Variants in CKAP5 observed in about 807,000 individuals in gnomAD.
The protein encoded by CKAP5 is cytoskeleton associated protein 5.
A neutral mutation model predicts 232.8 loss-of-function variants in CKAP5; 27 were observed. The ratio of observed to expected loss-of-function variants is 0.12; its 90% CI spans 0.09 to 0.16. The LOEUF (loss-of-function observed/expected upper bound fraction) is 0.16, where lower values mean the gene tolerates loss of function less well. CKAP5 is among the 10% of genes least tolerant of loss of function. The pLI is 1.00. For missense variants in CKAP5, 1,838 were observed against 2,424.7 expected (o/e 0.76, Z 5.08); for synonymous variants, 785 against 841.1 (o/e 0.93, Z 1.16).
At chr11:46,821,929 C>G (rs982974231) in intron 1 of CKAP5, among the ~76,000 whole-genome samples, 1 of 151,986 alleles carries the variant, frequency 6.6e-6, no homozygotes, top group African/African-American at 2.4e-5. Context: ...GTCCCATCTA[C>G]TCGGAAGTCT....
chr11:46,816,232 C>A lies in CKAP5; in HGVS notation c.424G>T (p.Val142Leu). Reference sequence around the variant, plus strand: ...TTCCTCAGTGTCTCTATACAGGCCACTATGATCTTGGGATTCTTATTGTCC... The same window carrying A: ...TTCCTCAGTGTCTCTATACAGGCCAATATGATCTTGGGATTCTTATTGTCC... The part of the protein sequence containing the change: ...GLDNKNPKII[V>L]ACIETLRKAL... Residue 142 changes from valine (V) to leucine (L), a missense_variant, in exon 4 of 44, where the codon GTG (valine) becomes TTG (leucine). Transcript: ENST00000529230. The A allele has an allele frequency of 6.2e-7, 1 of 1,614,156 alleles. No individual in the cohort carries two copies.
intron 1 of CKAP5, among the ~76,000 whole-genome samples, chr11:46,845,655 C>G (rs934211026): frequency 1.3e-5 from 2 of 152,168 alleles, no homozygotes; most frequent in Non-Finnish European, 2.9e-5. Flanking sequence ...GCTCCCGACA[C>G]GTTGAGAGAG....
chr11:46,796,657 ATT>A (rs1157833953), intron 12 of CKAP5, among the ~76,000 whole-genome samples, 153 bp downstream of exon 12: 63 of 152,342 alleles, frequency 4.1e-4, no homozygotes, highest in African/African-American at 1.4e-3. Flanking sequence ...ACTTGTTTCA[ATT>A]ATGCATTTCT....
chr11:46,748,123 C>A (rs1013835619), intron 42 of CKAP5, among the ~76,000 whole-genome samples: 3 of 151,996 alleles, frequency 2.0e-5, no homozygotes, highest in African/African-American at 7.2e-5. Flanking sequence ...GGGGCACTGG[C>A]GGGTCCTATA....
chr11:46,782,204 T>C (rs965425879), intron 18 of CKAP5, among the ~76,000 whole-genome samples: 1 of 152,186 alleles, frequency 6.6e-6, no homozygotes, highest in Admixed American at 6.6e-5. Context: ...TTTACTCAAA[T>C]GTAACTCCCA....
intron 1 of CKAP5, 109 bp downstream of exon 1, chr11:46,846,111 G>A (rs887022188): frequency 3.3e-5 from 5 of 151,868 alleles, no homozygotes; most frequent in African/African-American, 9.7e-5. Context: ...GGGGCAAGTG[G>A]GGCGCGCGTC....
intron 1 of CKAP5, among the ~76,000 whole-genome samples, chr11:46,830,086 G>A (rs1939745426): frequency 6.6e-6 from 1 of 152,040 alleles, no homozygotes. Context: ...ATCATTATGG[G>A]CAAGACGGAG....
At chr11:46,822,227 G>A (rs1386592635) in intron 1 of CKAP5, among the ~76,000 whole-genome samples, 1 of 152,058 alleles carries the variant, frequency 6.6e-6, no homozygotes, top group Non-Finnish European at 1.5e-5. Context: ...GTTGCAGTGA[G>A]CTGTGATCAT....
At chr11:46,794,605 A>T (rs1430460273) in intron 13 of CKAP5, among the ~76,000 whole-genome samples, 2 of 152,220 alleles carry the variant, frequency 1.3e-5, no homozygotes, top group African/African-American at 4.8e-5. Flanking sequence ...TGGGAGGCCA[A>T]GGCAGGAGGA....
intron 1 of CKAP5, among the ~76,000 whole-genome samples, chr11:46,843,303 C>T (rs1839242560): frequency 6.6e-6 from 1 of 152,058 alleles, no homozygotes; most frequent in Non-Finnish European, 1.5e-5. Flanking sequence ...GCTGGGGACC[C>T]CAAGCCTTCT....
intron 13 of CKAP5, among the ~76,000 whole-genome samples, chr11:46,792,279 A>AT (rs1938748237): frequency 1.3e-5 from 2 of 152,178 alleles, no homozygotes; most frequent in South Asian, 4.1e-4. Flanking sequence ...GAGGCTGGGC[A>AT]TGGTGGCTCA....
At position 46,809,921 on chromosome 11, in the gene CKAP5, T is replaced by C. The variant is rs1490981171; in HGVS notation, c.631-47A>G. On this transcript the variant is annotated intron_variant, in intron 5 of 43. Transcript: ENST00000529230. ...TAAATAATATCTGCATCTCCACCATTAGTTAACATACTTAATACTTACATT... is the reference window on the plus strand; with the variant it reads ...TAAATAATATCTGCATCTCCACCATCAGTTAACATACTTAATACTTACATT... 2.6e-6 allele frequency: 4 copies of C among 1,534,726 alleles called. No homozygotes were observed. In the East Asian group the frequency reaches 9.0e-5, roughly 35 times the overall value.
intron 1 of CKAP5, among the ~76,000 whole-genome samples, chr11:46,842,896 G>C (rs1940090371): frequency 6.6e-6 from 1 of 150,776 alleles, no homozygotes; most frequent in Admixed American, 6.6e-5. Context: ...GAACCTGGGA[G>C]GCGGAGCTTG....
intron 8 of CKAP5, chr11:46,802,195 A>T (rs1939045041): frequency 6.6e-6 from 1 of 152,058 alleles, no homozygotes; most frequent in African/African-American, 2.4e-5. Flanking sequence ...GTCTCAGTCG[A>T]TTCTCCTCTA....
At position 46,750,297 on chromosome 11, in the gene CKAP5, T is replaced by C. The variant is rs571852180; in HGVS notation, c.5681A>G (p.Lys1894Arg). Residue 1894 changes from lysine to arginine, a missense_variant, in exon 42 of 44, where the codon AAA becomes AGA. By Grantham distance (26) the Lys-to-Arg change is conservative. This residue lies in a region of CKAP5 where 579 missense variants were observed against 843.2 expected (regional missense o/e 0.69). Transcript: ENST00000529230. Reference protein sequence around the residue: ...LRVIEMEREGKGRISTSTGIS... With the variant: ...LRVIEMEREGRGRISTSTGIS... ...ACCTGTTGAAGTGGAAATACGACCT[T>C]TGCCCTCCCTCTCCATCTCAATCAC... 3.1e-6 allele frequency: 5 copies of C among 1,614,138 alleles called. No homozygotes were observed. The highest frequency in any genetic ancestry group is 2.2e-5 in the South Asian group (2 of 91,068).
At chr11:46,844,387 C>T (rs1475762746) in intron 1 of CKAP5, among the ~76,000 whole-genome samples, 1 of 152,128 alleles carries the variant, frequency 6.6e-6, no homozygotes, top group Non-Finnish European at 1.5e-5. Flanking sequence ...TGCTTTGTAG[C>T]ATCCTTTACA....
At chr11:46,760,805 G>C (rs750036047) in intron 32 of CKAP5, 21 bp from the exon 33 acceptor site, 4 of 1,605,894 alleles carry the variant, frequency 2.5e-6, no homozygotes, top group Admixed American at 1.7e-5. Context: ...GCCAAATTTA[G>C]AAACCTAACT....
chr11:46,844,734 C>A (rs920196915), intron 1 of CKAP5, among the ~76,000 whole-genome samples: 1 of 152,076 alleles, frequency 6.6e-6, no homozygotes, highest in Non-Finnish European at 1.5e-5. Flanking sequence ...CTCTGTCTCC[C>A]GGGTTCAAAT....
intron 31 of CKAP5, 119 bp downstream of exon 31, chr11:46,762,508 C>T: frequency 8.1e-7 from 1 of 1,237,938 alleles, no homozygotes; most frequent in Non-Finnish European, 1.2e-6. Context: ...CAGTCTAAAT[C>T]AGGAGGTTGG....
Sources: gnomAD v4.1 joint callset for allele counts (sites outside exome capture counted in the v4.1 genomes callset) on GRCh38, gnomAD v4.1.1 for gene constraint, gnomAD v4.1.1 regional missense constraint, MANE v1.5 for transcripts, NCBI Gene and HGNC (gene_info 2026-07-23, HGNC 2026-07-21) for gene names.